Variants in BTRC observed in about 807,000 individuals in gnomAD.
The protein encoded by BTRC is beta-transducin repeat containing E3 ubiquitin protein ligase.
In BTRC, 42 loss-of-function variants were observed where a neutral mutation model predicts 85.5. The ratio of observed to expected loss-of-function variants is 0.49; its 90% CI spans 0.38 to 0.64. BTRC has a LOEUF of 0.64. BTRC is among the 30% of genes least tolerant of loss of function. BTRC has a pLI of 0.00. For missense variants in BTRC, 594 were observed against 743.5 expected (o/e 0.80, Z 2.34); for synonymous variants, 255 against 263.3 (o/e 0.97, Z 0.30).
intron 1 of BTRC, among the ~76,000 whole-genome samples, chr10:101,366,908 T>A (rs1357157623): frequency 5.3e-5 from 1 of 18,870 alleles, no homozygotes; most frequent in African/African-American, 2.0e-4. Context: ...TTATATATAT[T>A]AATATATATT....
chr10:101,539,940 T>C (rs1427760962), intron 13 of BTRC, among the ~76,000 whole-genome samples: 3 of 152,222 alleles, frequency 2.0e-5, no homozygotes, highest in Non-Finnish European at 4.4e-5. Context: ...TATATCTCCT[T>C]TGGTGAAGTG....
chr10:101,451,548 TA>T (rs1186026579), intron 2 of BTRC, among the ~76,000 whole-genome samples: 2 of 152,132 alleles, frequency 1.3e-5, no homozygotes, highest in African/African-American at 4.8e-5. Flanking sequence ...GTGTTAGCTG[TA>T]GGTGTTAAAG....
intron 13 of BTRC, among the ~76,000 whole-genome samples, chr10:101,541,645 A>C (rs997391587): frequency 3.3e-5 from 5 of 152,194 alleles, no homozygotes; most frequent in Non-Finnish European, 7.3e-5. Flanking sequence ...TGAGGAACAC[A>C]TGTTGGATTT....
chr10:101,473,160 C>CT, intron 3 of BTRC, among the ~76,000 whole-genome samples: 1 of 151,392 alleles, frequency 6.6e-6, no homozygotes, highest in Admixed American at 6.6e-5. Context: ...TCTTAATCTC[C>CT]TTTTTTTCTC....
At chr10:101,458,942 T>G (rs868700412) in intron 2 of BTRC, among the ~76,000 whole-genome samples, 1 of 152,186 alleles carries the variant, frequency 6.6e-6, no homozygotes, top group South Asian at 2.1e-4. Flanking sequence ...CTTGTCAAAC[T>G]TTCACTCACT....
At chr10:101,538,101 A>C (rs549880606) in intron 12 of BTRC, among the ~76,000 whole-genome samples, 192 bp from the exon 13 acceptor site, 1 of 152,196 alleles carries the variant, frequency 6.6e-6, no homozygotes, top group Non-Finnish European at 1.5e-5. Flanking sequence ...TTGATCCCAA[A>C]GTATGGTATA....
intron 1 of BTRC, among the ~76,000 whole-genome samples, chr10:101,398,232 G>A (rs567380309): frequency 1.2e-4 from 19 of 152,086 alleles, no homozygotes; most frequent in South Asian, 4.1e-4. Flanking sequence ...CTGTAAGACC[G>A]GACACATGCT....
rs1337265217 is a variant in BTRC, at chr10:101,550,809, A to G, written c.1767A>G (p.Gln589=). The change falls in exon 14 of 15, where the codon CAA becomes CAG. Residue 589 remains glutamine, a synonymous_variant. Transcript: ENST00000370187. Reference sequence around the variant, plus strand: ...ACTTCCTAAATGATCCAGCTGCCCAAGCTGAACCCCCCCGTTCCCCTTCTC... The same window carrying G: ...ACTTCCTAAATGATCCAGCTGCCCAGGCTGAACCCCCCCGTTCCCCTTCTC... ...IWDFLNDPAA[Q]AEPPRSPSRT... is the part of the protein sequence containing the mutation. 3 of 1,614,076 alleles carry G rather than the reference A, an allele frequency of 1.9e-6. No homozygotes were observed. Among genetic ancestry groups the G allele is most frequent in the Non-Finnish European group, 1.7e-6 (2 of 1,179,988 alleles).
At chr10:101,532,805 C>CGCGT (rs1316497401) in intron 8 of BTRC, 147 bp from the exon 9 acceptor site, 16 of 640,008 alleles carry the variant, frequency 2.5e-5, no homozygotes, top group East Asian at 8.5e-5. Flanking sequence ...TGTGCGCGCG[C>CGCGT]GCGCGCTTAG....
intron 4 of BTRC, among the ~76,000 whole-genome samples, chr10:101,502,119 G>A (rs1946413465): frequency 6.6e-6 from 1 of 152,208 alleles, no homozygotes; most frequent in South Asian, 2.1e-4. Flanking sequence ...GAAAGTGGAT[G>A]CTGACAACAG....
rs183143761 is a variant in BTRC at position 101,463,052 on chromosome 10, T to G, written c.234+994T>G. Among the ~76,000 whole-genome samples, 50 of 142,006 alleles carry G rather than the reference T, an allele frequency of 3.5e-4. 1 individual carries two copies. The highest frequency in any genetic ancestry group is 1.7e-3 in the Admixed American group (24 of 14,408). The allele number at this position is 142,006 out of a possible 152,430, so 93.2% of individuals were successfully genotyped here. The stretch of plus-strand genomic sequence containing the variant: ...CTGGCTAATTTTTGTATTTTGGGGT[T>G]TTTTTTTTTTTGAGACACAGTCTTG... On this transcript the variant is annotated intron_variant, in intron 3 of 14. Transcript: ENST00000370187.
rs1242457837 is a variant in BTRC, at chr10:101,511,833, T to C, written c.325-9806T>C. Reference sequence around the variant, plus strand: ...TGAGCCACCGTGCTGGCTGTATTAATAGAGACGAAGTTTCACTATGTTGAC... The same window carrying C: ...TGAGCCACCGTGCTGGCTGTATTAACAGAGACGAAGTTTCACTATGTTGAC... On this transcript the variant is annotated intron_variant, in intron 4 of 14. Coordinates refer to ENST00000370187, the MANE Select transcript of BTRC (RefSeq NM_033637.4). Among the ~76,000 whole-genome samples, 9 of 152,270 alleles carry C rather than the reference T, an allele frequency of 5.9e-5. No individual in the cohort carries two copies. In the South Asian group the frequency reaches 1.2e-3, roughly 21 times the overall value.
At chr10:101,489,028 A>C (rs769067353) in intron 4 of BTRC, among the ~76,000 whole-genome samples, 2 of 151,898 alleles carry the variant, frequency 1.3e-5, no homozygotes, top group Non-Finnish European at 2.9e-5. Flanking sequence ...TCTACTTAAA[A>C]CTCATTGTAC....
intron 2 of BTRC, among the ~76,000 whole-genome samples, chr10:101,454,273 C>A (rs992489737): frequency 1.3e-5 from 2 of 152,074 alleles, no homozygotes; most frequent in African/African-American, 4.8e-5. Context: ...ACTGGTTAGT[C>A]GAAAGTAACA....
At chr10:101,535,212 A>T in intron 10 of BTRC, 142 bp from the exon 11 acceptor site, 1 of 768,216 alleles carries the variant, frequency 1.3e-6, no homozygotes, top group Non-Finnish European at 2.2e-6. Context: ...CCATGAATTT[A>T]AATTGTCCTT....
At chr10:101,409,609 A>G (rs890393709) in intron 1 of BTRC, among the ~76,000 whole-genome samples, 1 of 152,192 alleles carries the variant, frequency 6.6e-6, no homozygotes, top group African/African-American at 2.4e-5. Context: ...CCTGGACAGC[A>G]TGTTACTGTA....
intron 4 of BTRC, among the ~76,000 whole-genome samples, chr10:101,493,835 C>T (rs1474553110): frequency 6.6e-6 from 1 of 152,184 alleles, no homozygotes; most frequent in Non-Finnish European, 1.5e-5. Flanking sequence ...CTTTTCTTTT[C>T]AAGCTTTGAT....
At position 101,516,783 on chromosome 10, in the gene BTRC, G is replaced by A. The variant is rs559728553; in HGVS notation, c.325-4856G>A. ...CTCCTTATGATTATAGCAATATCTC[G>A]TTTATTTAATGTATAAGTGGAATAA... On this transcript the variant is annotated intron_variant, in intron 4 of 14. Coordinates refer to ENST00000370187, the MANE Select transcript of BTRC (RefSeq NM_033637.4). Among the ~76,000 whole-genome samples the A allele has an allele frequency of 2.1e-4, 32 of 152,166 alleles. 1 individual carries two copies. The highest frequency in any genetic ancestry group is 4.6e-4 in the Admixed American group (7 of 15,266).
chr10:101,411,543 A>G (rs112716867), intron 1 of BTRC, among the ~76,000 whole-genome samples: 1 of 152,066 alleles, frequency 6.6e-6, no homozygotes, highest in African/African-American at 2.4e-5. Context: ...GGGTTCACTG[A>G]TCTTCTACAG....
Sources: allele counts gnomAD v4.1 joint callset (sites outside exome capture counted in the v4.1 genomes callset), GRCh38; gene constraint gnomAD v4.1.1; transcripts MANE v1.5; gene names NCBI Gene and HGNC (gene_info 2026-07-23, HGNC 2026-07-21).